ANKRD30B: variants seen among roughly 807,000 people sequenced by gnomAD.
The protein encoded by ANKRD30B is ankyrin repeat domain 30B, also known as ankyrin repeat domain-containing protein 30B.
ANKRD30B carries 144 observed loss-of-function variants against 202.2 expected under a neutral mutation model. The observed-to-expected ratio is 0.71, with a 90% CI of 0.62 to 0.82. The LOEUF is 0.82. ANKRD30B is among the 40% of genes least tolerant of loss of function. The pLI is 0.00. For missense variants in ANKRD30B, 1,487 were observed against 1,669.1 expected (o/e 0.89, Z 1.90); for synonymous variants, 508 against 561.3 (o/e 0.91, Z 1.34).
chr18:14,757,647 T>C (rs938534530), intron 4 of ANKRD30B, among the ~76,000 whole-genome samples, 168 bp from the exon 5 acceptor site: 5 of 152,168 alleles, frequency 3.3e-5, no homozygotes, highest in Admixed American at 3.3e-4. Context: ...CAGTGGGACA[T>C]GAGTCTTTTT....
chr18:14,763,379 C>T (rs1199874929), intron 6 of ANKRD30B, among the ~76,000 whole-genome samples: 1 of 152,036 alleles, frequency 6.6e-6, no homozygotes, highest in Non-Finnish European at 1.5e-5. Flanking sequence ...TGAAACTCGT[C>T]TCTACTAAAT....
At chr18:14,923,338 G>A in the ANKRD30B span, among the ~76,000 whole-genome samples, 3 of 152,146 alleles carry the variant, frequency 2.0e-5, no homozygotes. Context: ...AGGGCCCTTG[G>A]GTTCTAAGTG....
the ANKRD30B span, among the ~76,000 whole-genome samples, chr18:14,894,431 A>G: frequency 6.6e-6 from 1 of 152,080 alleles, no homozygotes; most frequent in Non-Finnish European, 1.5e-5. Flanking sequence ...CATGCCCACC[A>G]ATCTCAGCAT....
chr18:14,763,635 A>C, intron 6 of ANKRD30B, 51 bp from the exon 7 acceptor site: 1 of 1,592,638 alleles, frequency 6.3e-7, no homozygotes, highest in Admixed American at 1.8e-5. Flanking sequence ...TGAAGTCAGG[A>C]GGATGATATT....
At chr18:14,882,144 T>C in the ANKRD30B span, among the ~76,000 whole-genome samples, 3 of 152,180 alleles carry the variant, frequency 2.0e-5, no homozygotes, top group Non-Finnish European at 4.4e-5. Flanking sequence ...ATTTCCTTTG[T>C]TTGCTGGGAT....
At chr18:14,799,025 A>T (rs965711810) in intron 20 of ANKRD30B, 76 bp from the exon 21 acceptor site, 1 of 1,355,310 alleles carries the variant, frequency 7.4e-7, no homozygotes, top group Non-Finnish European at 1.1e-6. Context: ...TCGTCTTCAT[A>T]TTCACACTCT....
At chr18:14,756,954 G>A (rs529948915) in intron 4 of ANKRD30B, among the ~76,000 whole-genome samples, 3 of 152,220 alleles carry the variant, frequency 2.0e-5, no homozygotes, top group African/African-American at 7.2e-5. Context: ...TCTTTAGGAC[G>A]ACTATTTGCT....
the ANKRD30B span, among the ~76,000 whole-genome samples, chr18:14,937,942 C>T: frequency 1.3e-5 from 2 of 152,186 alleles, no homozygotes; most frequent in African/African-American, 4.8e-5. Flanking sequence ...TCAAGATGTA[C>T]ATCCTCCCAT....
rs1447077787 is a variant in ANKRD30B, at chr18:14,752,835, A to G, written c.337-4A>G. The G allele has an allele frequency of 1.2e-6, 2 of 1,606,372 alleles. No individual in the cohort carries two copies. The highest frequency in any genetic ancestry group is 1.3e-5 in the African/African-American group (1 of 74,544). On this transcript the variant is annotated splice_region_variant and splice_polypyrimidine_tract_variant and intron_variant, in intron 2 of 43. Transcript: ENST00000690538. ...TAATGTACTTCTTGCTTTAATACTGACAGGCTCTACAATGCGAGAGGGAGG... is the reference window on the plus strand; with the variant it reads ...TAATGTACTTCTTGCTTTAATACTGGCAGGCTCTACAATGCGAGAGGGAGG...
chr18:14,931,143 C>T, the ANKRD30B span, among the ~76,000 whole-genome samples: 1 of 152,330 alleles, frequency 6.6e-6, no homozygotes, highest in South Asian at 2.1e-4. Flanking sequence ...TGCCAGGCTA[C>T]TGTCTTTAGT....
At chr18:14,805,737 T>G (rs1275925224) in intron 24 of ANKRD30B, among the ~76,000 whole-genome samples, 4 of 150,830 alleles carry the variant, frequency 2.7e-5, no homozygotes, top group Non-Finnish European at 5.9e-5. Context: ...CGTTCAGCTT[T>G]TGCATTTATT....
the ANKRD30B span, among the ~76,000 whole-genome samples, chr18:14,879,963 A>T: frequency 6.6e-6 from 1 of 152,098 alleles, no homozygotes; most frequent in African/African-American, 2.4e-5. Flanking sequence ...GCCTATACCA[A>T]TGTCTAGAAG....
At chr18:14,748,811 G>A (rs1414392491) in intron 1 of ANKRD30B, among the ~76,000 whole-genome samples, 171 bp downstream of exon 1, 1 of 152,118 alleles carries the variant, frequency 6.6e-6, no homozygotes, top group Non-Finnish European at 1.5e-5. Flanking sequence ...TCCCGGTCAG[G>A]CCCCCCAGGC....
chr18:14,749,901 A>G (rs113135135), intron 1 of ANKRD30B, among the ~76,000 whole-genome samples: 1 of 151,862 alleles, frequency 6.6e-6, no homozygotes, highest in Non-Finnish European at 1.5e-5. Flanking sequence ...CATAAGTGAA[A>G]TGCCTGCTTT....
chr18:14,868,400 C>T, the ANKRD30B span, among the ~76,000 whole-genome samples: 12 of 152,282 alleles, frequency 7.9e-5, no homozygotes, highest in Non-Finnish European at 1.5e-5. Flanking sequence ...TTGTTCTTAA[C>T]AGAATTTAGG....
Position 14,837,245 on chromosome 18 carries a change from A to G in ANKRD30B, c.2882A>G (p.Glu961Gly). The part of the protein sequence containing the change: ...GATKTVTGQQ[E>G]RDIGIIERAP... ...ACAAAGACAGTAACTGGACAACAGG[A>G]ACGTGATATTGGCATTATTGAACGA... The change falls in exon 35 of 44, where the codon GAA (glutamate) becomes GGA (glycine). Residue 961 changes from glutamate to glycine, a missense_variant. Physicochemically the swap from Glu to Gly is moderately conservative, Grantham distance 98. Coordinates refer to ENST00000690538, the MANE Select transcript of ANKRD30B (RefSeq NM_001367607.2). 6.5e-7 allele frequency: 1 copy of G among 1,549,736 alleles called. No individual in the cohort carries two copies. Among genetic ancestry groups the G allele is most frequent in the Non-Finnish European group, 8.7e-7 (1 of 1,146,074 alleles).
At chr18:14,778,120 G>T (rs745409719) in intron 10 of ANKRD30B, 45 bp downstream of exon 10, 5 of 1,320,974 alleles carry the variant, frequency 3.8e-6, no homozygotes, top group Non-Finnish European at 5.3e-6. Context: ...CCAAATGTTT[G>T]TCTAAATTCA....
chr18:14,816,301 C>T (rs1308744270), intron 30 of ANKRD30B: 1 of 152,024 alleles, frequency 6.6e-6, no homozygotes, highest in Non-Finnish European at 1.5e-5. Flanking sequence ...CTTGTCATTC[C>T]ACAGTGATTT....
the ANKRD30B span, among the ~76,000 whole-genome samples, chr18:14,879,913 T>G: frequency 2.0e-5 from 3 of 152,156 alleles, no homozygotes; most frequent in African/African-American, 4.8e-5. Flanking sequence ...ATCTTTGTTT[T>G]TATTGCATTT....
Sources: gnomAD v4.1 joint callset for allele counts (sites outside exome capture counted in the v4.1 genomes callset) on GRCh38, gnomAD v4.1.1 for gene constraint, MANE v1.5 for transcripts, NCBI Gene and HGNC (gene_info 2026-07-23, HGNC 2026-07-21) for gene names.